PLCG2: variants seen among roughly 807,000 people sequenced by gnomAD.
The protein encoded by PLCG2 is 1-phosphatidylinositol 4,5-bisphosphate phosphodiesterase gamma-2.
Under a neutral mutation model 175.6 loss-of-function variants are expected in PLCG2, and 69 were observed. The observed-to-expected ratio is 0.39, with a 90% CI of 0.32 to 0.48. The LOEUF is 0.48. PLCG2 is among the 20% of genes least tolerant of loss of function. The pLI is 0.91. For missense variants in PLCG2, 1,798 were observed against 1,650.9 expected (o/e 1.09, Z -1.54); for synonymous variants, 827 against 624.0 (o/e 1.33, Z -4.85).
At chr16:81,765,086 C>G (rs1008882519) in intron 2 of PLCG2, among the ~76,000 whole-genome samples, 5 of 152,054 alleles carry the variant, frequency 3.3e-5, no homozygotes, top group African/African-American at 4.8e-5. Context: ...AGATGAGACA[C>G]TGTCCCCCCA....
intron 2 of PLCG2, among the ~76,000 whole-genome samples, chr16:81,846,275 G>C (rs377220112): frequency 1.3e-5 from 2 of 152,084 alleles, no homozygotes; most frequent in Non-Finnish European, 2.9e-5. Context: ...CTACTTTTCC[G>C]GTGTGATTCA....
chr16:81,859,396 A>G (rs1479122278), intron 5 of PLCG2: 6 of 485,118 alleles, frequency 1.2e-5, no homozygotes, highest in South Asian at 5.7e-5. Flanking sequence ...GATCTCTGCC[A>G]TGGGGCATTT....
At chr16:81,917,964 C>G (rs757667993) in intron 19 of PLCG2, among the ~76,000 whole-genome samples, 2 of 152,204 alleles carry the variant, frequency 1.3e-5, no homozygotes, top group Non-Finnish European at 2.9e-5. Flanking sequence ...CTCAAGTGAT[C>G]TGCCTGCCTT....
chr16:81,788,441 C>T (rs567069662), intron 2 of PLCG2, among the ~76,000 whole-genome samples: 56 of 152,192 alleles, frequency 3.7e-4, no homozygotes, highest in East Asian at 1.2e-3. Context: ...CCACCACGCC[C>T]GGCTAATTTT....
intron 2 of PLCG2, among the ~76,000 whole-genome samples, chr16:81,796,270 C>G (rs1911465575): frequency 6.6e-6 from 1 of 152,256 alleles, no homozygotes; most frequent in Non-Finnish European, 1.5e-5. Flanking sequence ...AGACTGTCTC[C>G]AAACCTTGGC....
At chr16:81,955,963 T>A (rs996016857) in intron 31 of PLCG2, among the ~76,000 whole-genome samples, 60 of 152,218 alleles carry the variant, frequency 3.9e-4, no homozygotes, top group African/African-American at 1.4e-3. Flanking sequence ...ATTCAATGGT[T>A]TATAGCCTAT....
chr16:81,826,454 G>T (rs143106118), intron 2 of PLCG2, among the ~76,000 whole-genome samples: 1 of 152,188 alleles, frequency 6.6e-6, no homozygotes, highest in Admixed American at 6.5e-5. Context: ...CAAAGTGCTC[G>T]ACCTCGTGTG....
chr16:81,842,983 G>A (rs1368400008), intron 2 of PLCG2: 2 of 146,462 alleles, frequency 1.4e-5, no homozygotes, highest in African/African-American at 5.1e-5. Context: ...TGGGAGTGGA[G>A]GGATGGGTGG....
intron 20 of PLCG2, among the ~76,000 whole-genome samples, chr16:81,919,931 A>C (rs1909993890): frequency 6.6e-6 from 1 of 152,194 alleles, no homozygotes; most frequent in Admixed American, 6.5e-5. Context: ...GGGCAGGTGG[A>C]TAAGAGGATA....
chr16:81,935,244 G>C (rs1227033204), intron 26 of PLCG2, among the ~76,000 whole-genome samples: 1 of 152,024 alleles, frequency 6.6e-6, no homozygotes, highest in Admixed American at 6.6e-5. Context: ...GGCATTCCTT[G>C]GCCTTCTCCT....
At chr16:81,875,533 C>A (rs969669430) in intron 7 of PLCG2, among the ~76,000 whole-genome samples, 1 of 152,096 alleles carries the variant, frequency 6.6e-6, no homozygotes, top group Non-Finnish European at 1.5e-5. Context: ...GCGTAACAGA[C>A]CCCCATGTAT....
At chr16:81,830,294 TG>T (rs1905208203) in intron 2 of PLCG2, among the ~76,000 whole-genome samples, 1 of 151,912 alleles carries the variant, frequency 6.6e-6, no homozygotes, top group Non-Finnish European at 1.5e-5. Flanking sequence ...ACTCCAGCAG[TG>T]TCTTGTCTTT....
intron 31 of PLCG2, among the ~76,000 whole-genome samples, chr16:81,955,905 A>T (rs1432389104): frequency 6.6e-6 from 1 of 152,208 alleles, no homozygotes; most frequent in Non-Finnish European, 1.5e-5. Context: ...GCTTTGAGAG[A>T]TAATTCATAT....
At chr16:81,880,058 A>G (rs1908002648) in intron 7 of PLCG2, among the ~76,000 whole-genome samples, 1 of 152,220 alleles carries the variant, frequency 6.6e-6, no homozygotes, top group Non-Finnish European at 1.5e-5. Flanking sequence ...TGGGCAACAT[A>G]GTAAGACCTG....
intron 2 of PLCG2, among the ~76,000 whole-genome samples, chr16:81,834,843 C>T (rs149880129): frequency 6.6e-6 from 1 of 152,204 alleles, no homozygotes; most frequent in African/African-American, 2.4e-5. Flanking sequence ...TTTATTTGTT[C>T]CTTTGGTCTT....
At chr16:81,874,984 G>C (rs548532839) in intron 7 of PLCG2, among the ~76,000 whole-genome samples, 15 of 42,108 alleles carry the variant, frequency 3.6e-4, no homozygotes, top group South Asian at 7.7e-4. Context: ...TTTTATTTGA[G>C]ACAGAGTCTT....
At chr16:81,818,834 T>C (rs138248642) in intron 2 of PLCG2, among the ~76,000 whole-genome samples, 8 of 148,696 alleles carry the variant, frequency 5.4e-5, no homozygotes, top group African/African-American at 1.2e-4. Context: ...AGGTAGAATA[T>C]GAATAGGGGG....
At chr16:81,749,726 G>A (rs1909769148) in intron 1 of PLCG2, among the ~76,000 whole-genome samples, 1 of 152,180 alleles carries the variant, frequency 6.6e-6, no homozygotes, top group African/African-American at 2.4e-5. Flanking sequence ...GGGCAATTTG[G>A]TGTTTCTGTC....
At chr16:81,743,610 G>A (rs1909643179) in intron 1 of PLCG2, among the ~76,000 whole-genome samples, 1 of 152,186 alleles carries the variant, frequency 6.6e-6, no homozygotes, top group African/African-American at 2.4e-5. Flanking sequence ...CAGACTTAGG[G>A]CTTTTATTGG....
Sources: gnomAD v4.1 joint callset for allele counts (sites outside exome capture counted in the v4.1 genomes callset) on GRCh38, gnomAD v4.1.1 for gene constraint, MANE v1.5 for transcripts, NCBI Gene and HGNC (gene_info 2026-07-23, HGNC 2026-07-21) for gene names.